Variants in SLC9A2 observed in about 807,000 individuals in gnomAD.
SLC9A2 encodes solute carrier family 9 member A2.
SLC9A2 carries 42 observed loss-of-function variants against 71.7 expected under a neutral mutation model. The ratio of observed to expected loss-of-function variants is 0.59; its 90% CI spans 0.46 to 0.76. The LOEUF (loss-of-function observed/expected upper bound fraction) is 0.76, where lower values mean the gene tolerates loss of function less well. Ranked by LOEUF, SLC9A2 falls within the 30% of genes least tolerant of loss-of-function variation. SLC9A2 has a pLI of 0.00. For missense variants in SLC9A2, 829 were observed against 1,017.4 expected, an observed-to-expected ratio of 0.81 and a Z score of 2.52; for synonymous variants, 396 against 392.5, an observed-to-expected ratio of 1.01 and a Z score of -0.10.
intron 1 of SLC9A2, among the ~76,000 whole-genome samples, chr2:102,636,864 T>A (rs1220763210): frequency 6.6e-6 from 1 of 152,168 alleles, no homozygotes; most frequent in East Asian, 1.9e-4. Flanking sequence ...TCACTAGAAC[T>A]TGTCAACCCC....
intron 7 of SLC9A2, among the ~76,000 whole-genome samples, chr2:102,699,594 G>C (rs1014975712): frequency 3.3e-5 from 5 of 152,302 alleles, no homozygotes; most frequent in African/African-American, 1.2e-4. Context: ...GGAGATGGCT[G>C]GATTTTGTAT....
Position 102,652,693 on chromosome 2 carries a change from T to G in SLC9A2, c.290-4871T>G, listed in dbSNP as rs573957250. 7.2e-4 allele frequency among the ~76,000 whole-genome samples: 109 copies of G among 152,288 alleles called. 1 individual carries two copies. In the South Asian group the frequency reaches 8.9e-3, roughly 12 times the overall value. On this transcript the variant is annotated intron_variant, in intron 1 of 11. Coordinates refer to ENST00000233969, the MANE Select transcript of SLC9A2 (RefSeq NM_003048.6). The stretch of plus-strand genomic sequence containing the variant: ...TATCTGGTCCTTAACAGAAAAGTCT[T>G]GGCCAACCACTGGACTACACAGTAG...
chr2:102,682,273 T>C (rs896642512), intron 3 of SLC9A2, among the ~76,000 whole-genome samples: 1 of 152,200 alleles, frequency 6.6e-6, no homozygotes, highest in Non-Finnish European at 1.5e-5. Context: ...AATTCTCCTC[T>C]GTGGGTGGCA....
intron 1 of SLC9A2, among the ~76,000 whole-genome samples, chr2:102,624,660 GC>G (rs1333537434): frequency 1.3e-5 from 2 of 152,114 alleles, no homozygotes; most frequent in African/African-American, 4.8e-5. Flanking sequence ...TGTGAGGCTG[GC>G]CTATTTCCAT....
chr2:102,622,362 G>A lies in SLC9A2; in HGVS notation c.289+2225G>A, dbSNP rs147924005. Among the ~76,000 whole-genome samples the A allele has an allele frequency of 3.6e-3, 543 of 152,288 alleles. 3 individuals carry two copies. Among genetic ancestry groups the A allele is most frequent in the Admixed American group, 7.4e-3 (113 of 15,290 alleles). On this transcript the variant is annotated intron_variant, in intron 1 of 11. Transcript: ENST00000233969. ...TGAGCCTCAAGGCTCCATCGCTGGA[G>A]GGCTGCTTCTGTGCCTGTTTCCATT...
intron 1 of SLC9A2, among the ~76,000 whole-genome samples, chr2:102,627,944 T>G (rs868159777): frequency 1.3e-5 from 2 of 152,172 alleles, no homozygotes; most frequent in African/African-American, 4.8e-5. Flanking sequence ...AAAATTGACA[T>G]GCACTTATGC....
chr2:102,681,286 G>A (rs926619080), intron 3 of SLC9A2, among the ~76,000 whole-genome samples: 3 of 152,120 alleles, frequency 2.0e-5, no homozygotes, highest in Non-Finnish European at 4.4e-5. Flanking sequence ...TTGCATAGCT[G>A]GACTTAAACG....
intron 1 of SLC9A2, among the ~76,000 whole-genome samples, chr2:102,654,936 A>G (rs1676909066): frequency 6.6e-6 from 1 of 152,222 alleles, no homozygotes; most frequent in Non-Finnish European, 1.5e-5. Context: ...AAAATGTAGT[A>G]TAAAGGATTA....
At chr2:102,670,488 C>G (rs1045596842) in intron 3 of SLC9A2, among the ~76,000 whole-genome samples, 9 of 151,016 alleles carry the variant, frequency 6.0e-5, no homozygotes, top group Admixed American at 5.9e-4. Flanking sequence ...TAAATCGAGG[C>G]CCAGATGGAC....
At chr2:102,700,330 G>C (rs1677849721) in intron 7 of SLC9A2, among the ~76,000 whole-genome samples, 1 of 152,136 alleles carries the variant, frequency 6.6e-6, no homozygotes, top group South Asian at 2.1e-4. Flanking sequence ...TAGGAGACTG[G>C]GCAAGATGGT....
intron 10 of SLC9A2, among the ~76,000 whole-genome samples, chr2:102,705,219 A>G (rs183494893): frequency 6.6e-6 from 1 of 152,168 alleles, no homozygotes; most frequent in East Asian, 1.9e-4. Context: ...AATAACAATA[A>G]TAATAATATT....
chr2:102,687,364 G>A (rs1446464540), intron 5 of SLC9A2, among the ~76,000 whole-genome samples: 1 of 152,030 alleles, frequency 6.6e-6, no homozygotes, highest in African/African-American at 2.4e-5. Flanking sequence ...ATCTTTTCCA[G>A]AATACATCAA....
At chr2:102,683,047 C>T (rs1051681440) in intron 3 of SLC9A2, among the ~76,000 whole-genome samples, 23 of 152,088 alleles carry the variant, frequency 1.5e-4, no homozygotes, top group African/African-American at 4.3e-4. Context: ...TGGGCAGAGC[C>T]GGGTAGTTCA....
In SLC9A2 at chr2:102,657,925, C is replaced by A. The variant is rs1289360528; in HGVS notation, c.651C>A (p.Val217=). ...TCTTTGGCAGCTTAATCTCAGCTGT[C>A]GATCCTGTGGCTGTGCTTGCTGTCT... is the stretch of plus-strand genomic sequence containing the variant. ...NLLFGSLISA[V]DPVAVLAVFE... The change falls in exon 2 of 12, where the codon GTC becomes GTA. Residue 217 remains valine (V), a synonymous_variant. Coordinates refer to ENST00000233969, the MANE Select transcript of SLC9A2 (RefSeq NM_003048.6). 3.7e-6 allele frequency: 6 copies of A among 1,614,102 alleles called. No homozygotes were observed. Among genetic ancestry groups the A allele is most frequent in the Non-Finnish European group, 5.1e-6 (6 of 1,180,050 alleles).
chr2:102,631,995 GATATATATATATAT>G (rs59553931), intron 1 of SLC9A2, among the ~76,000 whole-genome samples: 633 of 43,256 alleles, frequency 0.015, 27 homozygotes, highest in South Asian at 0.041. Flanking sequence ...TGAAAGTGGG[GATATATATATATAT>G]ATATATATAT....
At chr2:102,693,550 C>T (rs115183844) in intron 5 of SLC9A2, among the ~76,000 whole-genome samples, 2,317 of 152,254 alleles carry the variant, frequency 0.015, 56 homozygotes, top group African/African-American at 0.051. Context: ...TCCACATTTC[C>T]GGAGTTCACT....
At chr2:102,675,201 G>T (rs772024744) in intron 3 of SLC9A2, among the ~76,000 whole-genome samples, 29 of 152,320 alleles carry the variant, frequency 1.9e-4, no homozygotes, top group Non-Finnish European at 3.2e-4. Context: ...ACTGGGATGG[G>T]AATGTTGATG....
At chr2:102,628,578 A>G (rs576347892) in intron 1 of SLC9A2, among the ~76,000 whole-genome samples, 38 of 152,248 alleles carry the variant, frequency 2.5e-4, no homozygotes, top group African/African-American at 6.5e-4. Flanking sequence ...TGTATTGCAT[A>G]GGTTTGATAT....
At chr2:102,646,733 A>G (rs1233349789) in intron 1 of SLC9A2, among the ~76,000 whole-genome samples, 2 of 150,362 alleles carry the variant, frequency 1.3e-5, no homozygotes, top group East Asian at 3.9e-4. Flanking sequence ...ATAATGGTAA[A>G]AGGATCAATG....
Sources: gnomAD v4.1 joint callset for allele counts (sites outside exome capture counted in the v4.1 genomes callset) on GRCh38, gnomAD v4.1.1 for gene constraint, MANE v1.5 for transcripts, NCBI Gene and HGNC (gene_info 2026-07-23, HGNC 2026-07-21) for gene names.